The following AGAP1 variants were observed in gnomAD, a reference collection of about 807,000 sequenced individuals.
The protein encoded by AGAP1 is ArfGAP with GTPase domain, ankyrin repeat and PH domain 1.
In AGAP1, 29 loss-of-function variants were observed where a neutral mutation model predicts 105.3. The observed-to-expected ratio is 0.28, with a 90% CI of 0.21 to 0.38. The LOEUF (loss-of-function observed/expected upper bound fraction) is 0.38, where lower values mean the gene tolerates loss of function less well. Among genes scored for constraint, AGAP1 ranks in the 10% least tolerant of loss-of-function variants. AGAP1 has a pLI of 1.00. For synonymous variants in AGAP1, 509 were observed against 485.9 expected, an observed-to-expected ratio of 1.05 and a Z score of -0.63; for missense variants, 998 against 1,165.1, an observed-to-expected ratio of 0.86 and a Z score of 2.09.
intron 10 of AGAP1, among the ~76,000 whole-genome samples, chr2:235,892,770 C>T (rs897291265): frequency 6.6e-6 from 1 of 152,154 alleles, no homozygotes; most frequent in Non-Finnish European, 1.5e-5. Flanking sequence ...GGACCTCAGA[C>T]TTCTTGAGGT....
intron 1 of AGAP1, among the ~76,000 whole-genome samples, chr2:235,632,461 G>A (rs1438585595): frequency 6.6e-6 from 1 of 152,186 alleles, no homozygotes; most frequent in Non-Finnish European, 1.5e-5. Flanking sequence ...GCAGTAGTCA[G>A]CAACTGCCTG....
At chr2:236,108,118 G>A (rs1274597668) in intron 16 of AGAP1, among the ~76,000 whole-genome samples, 1 of 152,206 alleles carries the variant, frequency 6.6e-6, no homozygotes, top group African/African-American at 2.4e-5. Flanking sequence ...GCCTTTGTGG[G>A]CTGTGCTCCG....
At chr2:236,018,276 A>C (rs1283001255) in intron 13 of AGAP1, among the ~76,000 whole-genome samples, 2 of 152,282 alleles carry the variant, frequency 1.3e-5, no homozygotes, top group Middle Eastern at 3.4e-3. Flanking sequence ...CTGTCTCCCA[A>C]CCCAAGGGAG....
chr2:235,958,902 G>A lies in AGAP1; in HGVS notation c.1484-9560G>A, dbSNP rs138586485. 6.6e-6 allele frequency among the ~76,000 whole-genome samples: 1 copy of A among 152,324 alleles called. No individual in the cohort carries two copies. The highest frequency in any genetic ancestry group is 1.9e-4 in the East Asian group (1 of 5,174). Reference sequence around the variant, plus strand: ...CTCATACTTCACGTTCCGAAGCTCGGAGAGACTGCAGATTGTGATCATTAT... The same window carrying A: ...CTCATACTTCACGTTCCGAAGCTCGAAGAGACTGCAGATTGTGATCATTAT... On this transcript the variant is annotated intron_variant, in intron 12 of 17. Transcript: ENST00000304032. This position sits in a 1 kb window ranked among gnomAD's most constrained non-coding sequence, Gnocchi z 4.1.
At position 236,051,580 on chromosome 2, in the gene AGAP1, C is replaced by G. The variant is rs371045196; in HGVS notation, c.2114+2299C>G. On this transcript the variant is annotated intron_variant, in intron 16 of 17. Coordinates refer to ENST00000304032, the MANE Select transcript of AGAP1 (RefSeq NM_001037131.3). The surrounding 1 kb of genome is among the most constrained non-coding windows in gnomAD (Gnocchi z 5.9). ...GCCTGTGGGGAGGTGTGCCTGTCGG[C>G]GAGTACAGCACCGTGGACGGGAGCC... is the stretch of plus-strand genomic sequence containing the variant. Among the ~76,000 whole-genome samples the G allele has an allele frequency of 6.6e-6, 1 of 151,914 alleles. No homozygotes were observed. The highest frequency in any genetic ancestry group is 2.4e-5 in the African/African-American group (1 of 41,332).
intron 16 of AGAP1, among the ~76,000 whole-genome samples, chr2:236,093,118 AC>A (rs1224063569): frequency 4.6e-5 from 7 of 152,366 alleles, no homozygotes; most frequent in African/African-American, 1.7e-4. Flanking sequence ...GGATGAGGGA[AC>A]TGGAAAATCT....
Position 235,944,782 on chromosome 2 carries a change from A to T in AGAP1, c.1483+13859A>T, listed in dbSNP as rs138049683. Reference sequence around the variant, plus strand: ...CATCAATCAGAAGGCAGTGGCAGCGACAGCAAGACAGGCGGGTCAGGCCCC... The same window carrying T: ...CATCAATCAGAAGGCAGTGGCAGCGTCAGCAAGACAGGCGGGTCAGGCCCC... On this transcript the variant is annotated intron_variant, in intron 12 of 17. Coordinates refer to ENST00000304032, the MANE Select transcript of AGAP1 (RefSeq NM_001037131.3). Among the ~76,000 whole-genome samples the T allele has an allele frequency of 2.8e-3, 423 of 152,298 alleles. 2 individuals carry two copies. Among genetic ancestry groups the T allele is most frequent in the South Asian group, 4.4e-3 (21 of 4,822 alleles).
chr2:235,971,715 A>G lies in AGAP1; in HGVS notation c.1645+3092A>G, dbSNP rs2054650406. ...AAAAAAAAAAAAAATCTGTTCTTGA[A>G]ACTAAAGCTAGTTATATATGTTTTA... On this transcript the variant is annotated intron_variant, in intron 13 of 17. Coordinates refer to ENST00000304032, the MANE Select transcript of AGAP1 (RefSeq NM_001037131.3). The surrounding 1 kb of genome is among the most constrained non-coding windows in gnomAD (Gnocchi z 4.8). Among the ~76,000 whole-genome samples the G allele has an allele frequency of 6.6e-6, 1 of 151,158 alleles. No homozygotes were observed. The highest frequency in any genetic ancestry group is 2.1e-4 in the South Asian group (1 of 4,828).
chr2:235,952,610 TA>T (rs555773475), intron 12 of AGAP1, among the ~76,000 whole-genome samples: 1 of 151,944 alleles, frequency 6.6e-6, no homozygotes, highest in African/African-American at 2.4e-5. Context: ...TGTTTTTTTT[TA>T]AAAAAAACTG....
At chr2:235,727,565 A>G (rs1183111678) in intron 3 of AGAP1, among the ~76,000 whole-genome samples, 1 of 152,160 alleles carries the variant, frequency 6.6e-6, no homozygotes, top group East Asian at 1.9e-4. Context: ...CTTAATCTCC[A>G]ATGCTGAAAG....
intron 8 of AGAP1, among the ~76,000 whole-genome samples, chr2:235,806,618 T>C (rs1212654612): frequency 6.6e-6 from 1 of 152,218 alleles, no homozygotes; most frequent in Non-Finnish European, 1.5e-5. Context: ...ATTTCCCAAA[T>C]ACTGACCTTT....
At chr2:236,028,459 C>T (rs2057123680) in intron 13 of AGAP1, among the ~76,000 whole-genome samples, 1 of 152,198 alleles carries the variant, frequency 6.6e-6, no homozygotes, top group South Asian at 2.1e-4. Context: ...TGTATCTCTA[C>T]TTTGCTACCT....
Position 235,664,308 on chromosome 2 carries a change from T to A in AGAP1, c.164-44871T>A, listed in dbSNP as rs962097040. ...CTCCCTGCAACCTCTGCCTCCTGGG[T>A]TCAAGCGATTTCCCTACCTCAGCCC... On this transcript the variant is annotated intron_variant, in intron 1 of 17. Transcript: ENST00000304032. The surrounding 1 kb of genome is among the most constrained non-coding windows in gnomAD (Gnocchi z 5.7). Among the ~76,000 whole-genome samples, 13 of 152,004 alleles carry A rather than the reference T, an allele frequency of 8.6e-5. No homozygotes were observed. The East Asian group carries it at 2.5e-3, about 29-fold the overall frequency.
intron 1 of AGAP1, among the ~76,000 whole-genome samples, chr2:235,619,017 T>TG (rs1946392337): frequency 1.3e-5 from 2 of 152,146 alleles, no homozygotes; most frequent in South Asian, 4.1e-4. Flanking sequence ...GCTGGAGTGA[T>TG]GGAGCCATGA....
chr2:235,798,973 A>T (rs904916799), intron 7 of AGAP1, among the ~76,000 whole-genome samples: 2 of 151,590 alleles, frequency 1.3e-5, no homozygotes, highest in Non-Finnish European at 2.9e-5. Flanking sequence ...TCCAGGTGTC[A>T]TTTTCATAAT....
chr2:235,524,150 G>T (rs958890895), intron 1 of AGAP1, among the ~76,000 whole-genome samples: 1 of 152,196 alleles, frequency 6.6e-6, no homozygotes, highest in African/African-American at 2.4e-5. Context: ...TACCACGGGC[G>T]TCCGTGGGCC....
chr2:235,878,285 C>G (rs965741661), intron 9 of AGAP1, among the ~76,000 whole-genome samples: 1 of 152,204 alleles, frequency 6.6e-6, no homozygotes, highest in Non-Finnish European at 1.5e-5. Flanking sequence ...AAAATGTATA[C>G]CTGTGGCCAG....
intron 1 of AGAP1, among the ~76,000 whole-genome samples, chr2:235,536,627 T>TTG (rs1943242837): frequency 1.8e-5 from 2 of 108,242 alleles, no homozygotes; most frequent in Admixed American, 9.5e-5. Context: ...GTCGCATCCT[T>TTG]CACACACACA....
chr2:235,616,652 T>C lies in AGAP1; in HGVS notation c.164-92527T>C, dbSNP rs1180428564. ...TGTGGGTATAGAAAACTTCATAGGT[T>C]TCTGGCTTCCTGCCCCACCTGTGGT... On this transcript the variant is annotated intron_variant, in intron 1 of 17. Coordinates refer to ENST00000304032, the MANE Select transcript of AGAP1 (RefSeq NM_001037131.3). Among the ~76,000 whole-genome samples, 4 of 152,216 alleles carry C rather than the reference T, an allele frequency of 2.6e-5. No homozygotes were observed. In the South Asian group the frequency reaches 8.3e-4, roughly 32 times the overall value.
Sources: allele counts gnomAD v4.1 joint callset (sites outside exome capture counted in the v4.1 genomes callset), GRCh38; gene constraint gnomAD v4.1.1; non-coding constraint Gnocchi (gnomAD v3.1); transcripts MANE v1.5; gene names NCBI Gene and HGNC (gene_info 2026-07-23, HGNC 2026-07-21).